Variants in MAP2K5 observed in about 807,000 individuals in gnomAD.
MAP2K5 encodes the protein dual specificity mitogen-activated protein kinase kinase 5.
MAP2K5 carries 49 observed loss-of-function variants against 83.1 expected under a neutral mutation model. The ratio of observed to expected loss-of-function variants is 0.59; its 90% CI spans 0.47 to 0.75. MAP2K5 has a LOEUF of 0.75. Ranked by LOEUF, MAP2K5 falls within the 30% of genes least tolerant of loss-of-function variation. MAP2K5 has a pLI of 0.00. For synonymous variants in MAP2K5, 202 were observed against 191.8 expected (o/e 1.05, Z -0.44); for missense variants, 457 against 557.5 (o/e 0.82, Z 1.82).
At chr15:67,739,437 T>G (rs1207780232) in intron 17 of MAP2K5, among the ~76,000 whole-genome samples, 1 of 9,622 alleles carries the variant, frequency 1.0e-4, no homozygotes, top group Admixed American at 1.6e-3. Flanking sequence ...TATATATATA[T>G]ATATATATAT....
intron 19 of MAP2K5, among the ~76,000 whole-genome samples, chr15:67,767,565 A>C: frequency 6.6e-6 from 1 of 152,156 alleles, no homozygotes; most frequent in East Asian, 1.9e-4. Context: ...TCTTTTTACT[A>C]ATGGTTTTTG....
intron 13 of MAP2K5, among the ~76,000 whole-genome samples, chr15:67,682,046 C>T (rs2087829441): frequency 6.6e-6 from 1 of 152,086 alleles, no homozygotes; most frequent in African/African-American, 2.4e-5. Context: ...AAGCTGTATG[C>T]CTTCAATTGC....
chr15:67,546,632 T>C, intron 1 of MAP2K5: 1 of 985,444 alleles, frequency 1.0e-6, no homozygotes, highest in Non-Finnish European at 1.2e-6. Flanking sequence ...GTGTTTCTCT[T>C]TTTCCCTGGA....
chr15:67,631,020 G>A, intron 9 of MAP2K5, 93 bp downstream of exon 9: 1 of 1,018,778 alleles, frequency 9.8e-7, no homozygotes, highest in Non-Finnish European at 1.5e-6. Context: ...AAGAGGAGAT[G>A]AAATGGCTTA....
intron 9 of MAP2K5, 142 bp downstream of exon 9, chr15:67,631,069 G>T: frequency 1.6e-6 from 1 of 629,168 alleles, no homozygotes. Flanking sequence ...TGGCTCTCTG[G>T]TGACATTCAG....
rs1355254408 is a variant in MAP2K5 at position 67,794,387 on chromosome 15, G to C, written c.1243-12259G>C. 2.0e-5 allele frequency among the ~76,000 whole-genome samples: 3 copies of C among 152,134 alleles called. No homozygotes were observed. The highest frequency in any genetic ancestry group is 6.5e-5 in the Admixed American group (1 of 15,280). ...GCAAAACAATCAGAATTTTCGAAGA[G>C]TTTGCTTCCTTTTTGTGCATTTCCT... On this transcript the variant is annotated intron_variant, in intron 21 of 21. Transcript: ENST00000178640. The surrounding 1 kb of genome is among the most constrained non-coding windows in gnomAD (Gnocchi z 4.6).
rs111349530 is a variant in MAP2K5, at chr15:67,601,899, T to C, written c.545+1150T>C. ...CAGCCAAGATGTGAGTCCTTTCTCC[T>C]GAATATAGTCCTTTAAGAACTTATG... On this transcript the variant is annotated intron_variant, in intron 8 of 21. Transcript: ENST00000178640. Among the ~76,000 whole-genome samples, 747 of 152,360 alleles carry C rather than the reference T, an allele frequency of 4.9e-3. 12 individuals are homozygous for C. The highest frequency in any genetic ancestry group is 0.017 in the African/African-American group (709 of 41,596).
chr15:67,682,102 A>G (rs1432840759), intron 13 of MAP2K5, among the ~76,000 whole-genome samples: 1 of 152,200 alleles, frequency 6.6e-6, no homozygotes, highest in African/African-American at 2.4e-5. Flanking sequence ...AAGCATAAAT[A>G]TAACTACCTC....
At chr15:67,713,534 GAGACCAGCCTGGCCAACATGGCA>G (rs2088749872) in intron 16 of MAP2K5, among the ~76,000 whole-genome samples, 1 of 152,202 alleles carries the variant, frequency 6.6e-6, no homozygotes, top group Admixed American at 6.5e-5. Flanking sequence ...TCGGGAGTTT[GAGACCAGCCTGGCCAACATGGCA>G]AAACCCCGTC....
At chr15:67,693,033 T>C (rs956896294) in intron 14 of MAP2K5, among the ~76,000 whole-genome samples, 3 of 152,156 alleles carry the variant, frequency 2.0e-5, no homozygotes, top group African/African-American at 7.2e-5. Flanking sequence ...TTGATTTGAA[T>C]TGCAGCCACC....
intron 13 of MAP2K5, among the ~76,000 whole-genome samples, chr15:67,686,468 G>T (rs1379990063): frequency 1.3e-5 from 2 of 151,820 alleles, no homozygotes; most frequent in African/African-American, 4.8e-5. Flanking sequence ...CTAGCTGGGG[G>T]TGGTGGCAGG....
At chr15:67,721,831 C>G (rs2088966483) in intron 16 of MAP2K5, among the ~76,000 whole-genome samples, 1 of 152,152 alleles carries the variant, frequency 6.6e-6, no homozygotes, top group Non-Finnish European at 1.5e-5. Context: ...ATGATGGTGT[C>G]TTTGAATTTC....
intron 13 of MAP2K5, among the ~76,000 whole-genome samples, chr15:67,675,518 A>G (rs543611629): frequency 3.3e-4 from 50 of 152,298 alleles, no homozygotes; most frequent in African/African-American, 1.2e-3. Flanking sequence ...CTCCATCTTG[A>G]CTATCAGTGT....
At chr15:67,734,421 T>A (rs1306913521) in intron 17 of MAP2K5, among the ~76,000 whole-genome samples, 1 of 152,226 alleles carries the variant, frequency 6.6e-6, no homozygotes, top group Non-Finnish European at 1.5e-5. Flanking sequence ...TATTTTGTAG[T>A]AATAAATTGT....
chr15:67,730,250 G>T (rs1424511779), intron 17 of MAP2K5, among the ~76,000 whole-genome samples: 1 of 152,096 alleles, frequency 6.6e-6, no homozygotes, highest in Non-Finnish European at 1.5e-5. Context: ...AGCACATGAA[G>T]AAAAATGTGT....
rs1168006069 is a variant in MAP2K5 at position 67,774,493 on chromosome 15, G to T, written c.1242+1741G>T. On this transcript the variant is annotated intron_variant, in intron 21 of 21. Transcript: ENST00000178640. The surrounding 1 kb of genome is among the most constrained non-coding windows in gnomAD (Gnocchi z 4.9). ...TATATGTGAAGCTGCTGTGGTCAGA[G>T]AGTGAGCCCTGCCTGGACTTTGGGC... 6.6e-6 allele frequency among the ~76,000 whole-genome samples: 1 copy of T among 152,116 alleles called. No homozygotes were observed. Among genetic ancestry groups the T allele is most frequent in the East Asian group, 1.9e-4 (1 of 5,192 alleles).
At chr15:67,627,039 C>A (rs1023734290) in intron 8 of MAP2K5, among the ~76,000 whole-genome samples, 2 of 151,932 alleles carry the variant, frequency 1.3e-5, no homozygotes, top group Non-Finnish European at 2.9e-5. Flanking sequence ...TCAAGCGACC[C>A]TCTTGCCTCA....
At position 67,550,054 on chromosome 15, in the gene MAP2K5, G is replaced by C. The variant is rs764408890; in HGVS notation, c.156G>C (p.Leu52=). The change falls in exon 2 of 22, where the codon CTG becomes CTC. Residue 52 remains leucine (L), a synonymous_variant. Transcript: ENST00000178640. ...RDVLDVIGQV[L]PEATTTAFEY... ...TTTAGGATGTGATAGGCCAGGTTCT[G>C]CCTGAAGCAACAACTACAGCATTTG... 7 of 1,613,556 alleles carry C rather than the reference G, an allele frequency of 4.3e-6. No individual in the cohort carries two copies. Among genetic ancestry groups the C allele is most frequent in the Non-Finnish European group, 5.1e-6 (6 of 1,179,692 alleles).
In MAP2K5 at chr15:67,652,586, C is replaced by T. The variant is rs1340766326; in HGVS notation, c.737-5967C>T. Among the ~76,000 whole-genome samples, 2 of 152,134 alleles carry T rather than the reference C, an allele frequency of 1.3e-5. No homozygotes were observed. The highest frequency in any genetic ancestry group is 2.9e-5 in the Non-Finnish European group (2 of 68,038). On this transcript the variant is annotated intron_variant, in intron 11 of 21. Coordinates refer to ENST00000178640, the MANE Select transcript of MAP2K5 (RefSeq NM_145160.3). This position sits in a 1 kb window ranked among gnomAD's most constrained non-coding sequence, Gnocchi z 4.2. The stretch of plus-strand genomic sequence containing the variant: ...ACTCCTTTGACCCAAACACCTCTCA[C>T]GAGGCCCCATCTTCAACATTGGGAG...
Sources: gnomAD v4.1 joint callset for allele counts (sites outside exome capture counted in the v4.1 genomes callset) on GRCh38, gnomAD v4.1.1 for gene constraint, Gnocchi (gnomAD v3.1) non-coding constraint, MANE v1.5 for transcripts, NCBI Gene and HGNC (gene_info 2026-07-23, HGNC 2026-07-21) for gene names.